Variants in HCRTR1 observed in about 807,000 individuals in gnomAD.
HCRTR1 encodes the protein orexin/Hypocretin receptor type 1.
HCRTR1 carries 28 observed loss-of-function variants against 40.6 expected under a neutral mutation model. The ratio of observed to expected loss-of-function variants is 0.69; its 90% CI spans 0.51 to 0.95. HCRTR1 has a LOEUF of 0.95. Ranked by LOEUF, HCRTR1 falls within the 40% of genes least tolerant of loss-of-function variation. The pLI is 0.00. For synonymous variants in HCRTR1, 209 were observed against 230.0 expected, an observed-to-expected ratio of 0.91 and a Z score of 0.83; for missense variants, 482 against 564.7, an observed-to-expected ratio of 0.85 and a Z score of 1.48.
chr1:31,622,283 G>A (rs1639872993), intron 6 of HCRTR1, among the ~76,000 whole-genome samples: 1 of 152,090 alleles, frequency 6.6e-6, no homozygotes, highest in South Asian at 2.1e-4. Context: ...TTGGCGTCTG[G>A]GCGGTGAGAA....
intron 2 of HCRTR1, 82 bp from the exon 3 acceptor site, chr1:31,618,969 T>C: frequency 1.8e-6 from 1 of 569,302 alleles, no homozygotes; most frequent in Non-Finnish European, 3.1e-6. Context: ...AGAGGGAACT[T>C]ATACGCAAAG....
chr1:31,624,706 G>A (rs1213793568), intron 7 of HCRTR1, among the ~76,000 whole-genome samples: 1 of 152,198 alleles, frequency 6.6e-6, no homozygotes, highest in Non-Finnish European at 1.5e-5. Context: ...AAAAATGGAT[G>A]ATGTCTATGA....
chr1:31,627,883 A>AG (rs1487619571), downstream of HCRTR1, among the ~76,000 whole-genome samples: 2 of 152,280 alleles, frequency 1.3e-5, no homozygotes, highest in Non-Finnish European at 2.9e-5. Flanking sequence ...GGGGAAGGTA[A>AG]GGGGGGCCGG....
chr1:31,619,761 A>T, intron 4 of HCRTR1, 51 bp downstream of exon 4: 1 of 1,524,400 alleles, frequency 6.6e-7, no homozygotes, highest in Non-Finnish European at 8.9e-7. Flanking sequence ...CCTGTAAAAA[A>T]CCCACGGCCT....
At position 31,619,750 on chromosome 1, in the gene HCRTR1, G is replaced by A. The variant is rs41369250; in HGVS notation, c.378+40G>A. ...GGCACCCCTCACCACTCCTTGTCACGCCTGTAAAAAACCCACGGCCTTGCA... is the reference window on the plus strand; with the variant it reads ...GGCACCCCTCACCACTCCTTGTCACACCTGTAAAAAACCCACGGCCTTGCA... On this transcript the variant is annotated intron_variant, in intron 4 of 8. Transcript: ENST00000403528. 2,942 of 1,547,574 alleles carry A rather than the reference G, an allele frequency of 1.9e-3. 51 individuals are homozygous for A. The African/African-American group carries it at 0.036, about 19-fold the overall frequency.
rs188717453 is a variant in HCRTR1, at chr1:31,624,998, G to C, written c.967G>C (p.Val323Leu). The change falls in exon 8 of 9, where the codon GTG becomes CTG. Residue 323 changes from valine (V) to leucine (L), a missense_variant and splice_region_variant. Coordinates refer to ENST00000403528, the MANE Select transcript of HCRTR1 (RefSeq NM_001525.3). Reference protein sequence around the residue: ...PISVLNVLKRVFGMFRQASDR... With the variant: ...PISVLNVLKRLFGMFRQASDR... ...GACGCTCCTCCACCCTGGGCCTAGG[G>C]TGTTCGGGATGTTCCGCCAAGCCAG... 5.5e-5 allele frequency: 88 copies of C among 1,603,854 alleles called. No homozygotes were observed. Among genetic ancestry groups the C allele is most frequent in the South Asian group, 4.6e-4 (41 of 89,998 alleles).
chr1:31,627,202 T>C lies in HCRTR1; in HGVS notation c.*222T>C, dbSNP rs768731490. The C allele has an allele frequency of 2.1e-5, 31 of 1,492,412 alleles. No individual in the cohort carries two copies. The highest frequency in any genetic ancestry group is 2.6e-5 in the Non-Finnish European group (29 of 1,118,250). 92.4% of individuals were successfully genotyped at this position (1,492,412 alleles called of 1,614,324 possible). ...AAAGCTCCTTGTAAACTGTGAAGTG[T>C]TGTGGACATGATTATTGTTGTACTT... is the stretch of plus-strand genomic sequence containing the variant. On this transcript the variant is annotated 3_prime_UTR_variant, in exon 9 of 9. Coordinates refer to ENST00000403528, the MANE Select transcript of HCRTR1 (RefSeq NM_001525.3).
downstream of HCRTR1, among the ~76,000 whole-genome samples, chr1:31,633,742 G>A (rs1198584107): frequency 6.6e-6 from 1 of 152,110 alleles, no homozygotes; most frequent in Non-Finnish European, 1.5e-5. Context: ...GATCACCTGA[G>A]GTCGGGAGTT....
intron 7 of HCRTR1, 37 bp downstream of exon 7, chr1:31,623,786 T>A (rs780888886): frequency 6.5e-7 from 1 of 1,534,546 alleles, no homozygotes; most frequent in African/African-American, 1.4e-5. Context: ...GGGGAGAAGT[T>A]TGAGGTTGGG....
downstream of HCRTR1, among the ~76,000 whole-genome samples, chr1:31,631,858 G>A (rs1034436020): frequency 6.6e-5 from 10 of 152,134 alleles, no homozygotes; most frequent in Admixed American, 1.3e-4. Context: ...TCCACAGCCT[G>A]GGCAAAGGAC....
chr1:31,619,468 C>A lies in HCRTR1; in HGVS notation c.200-64C>A, dbSNP rs1417639473. On this transcript the variant is annotated intron_variant, in intron 3 of 8. Coordinates refer to ENST00000403528, the MANE Select transcript of HCRTR1 (RefSeq NM_001525.3). ...GGGGGTTGTGTGGGAGGAGGGCTCG[C>A]TGATTAGGCAGAACTAGGATGGGTG... The A allele has an allele frequency of 1.9e-5, 30 of 1,612,052 alleles. 1 individual carries two copies. Among genetic ancestry groups the A allele is most frequent in the African/African-American group, 2.7e-5 (2 of 74,898 alleles).
rs551425367 is a variant in HCRTR1 at position 31,627,515 on chromosome 1, G to A, written c.*535G>A. 2.1e-5 allele frequency: 9 copies of A among 436,794 alleles called. No individual in the cohort carries two copies. Among genetic ancestry groups the A allele is most frequent in the Admixed American group, 9.5e-5 (3 of 31,530 alleles). 27.1% of individuals were successfully genotyped at this position (436,794 alleles called of 1,614,324 possible). On this transcript the variant is annotated 3_prime_UTR_variant, in exon 9 of 9. Transcript: ENST00000403528. ...TGCCAAGGGCACACACCACAGACCC[G>A]ACCTTGTTGGCTTTGTGGTGTGATA...
Position 31,619,711 on chromosome 1 carries a change from G to A in HCRTR1, c.378+1G>A, listed in dbSNP as rs943658000. The stretch of plus-strand genomic sequence containing the variant: ...CTGCAAGGTCATCCCCTATCTACAG[G>A]TGAGCTCTGCCCAGGCACCCCTCAC... On this transcript the variant is annotated splice_donor_variant, in intron 4 of 8. Coordinates refer to ENST00000403528, the MANE Select transcript of HCRTR1 (RefSeq NM_001525.3). LOFTEE classifies it high-confidence loss of function. 1 of 1,591,350 alleles carries A rather than the reference G, an allele frequency of 6.3e-7. No homozygotes were observed. Among genetic ancestry groups the A allele is most frequent in the African/African-American group, 1.3e-5 (1 of 74,630 alleles).
rs1412039491 is a variant in HCRTR1 at position 31,619,574 on chromosome 1, C to T, written c.242C>T (p.Thr81Ile). 2 of 1,614,128 alleles carry T rather than the reference C, an allele frequency of 1.2e-6. No homozygotes were observed. Among genetic ancestry groups the T allele is most frequent in the South Asian group, 2.2e-5 (2 of 91,082 alleles). Reference sequence around the variant, plus strand: ...CGGAACCACCACATGAGGACAGTCACCAACTACTTCATTGTCAACCTGTCC... The same window carrying T: ...CGGAACCACCACATGAGGACAGTCATCAACTACTTCATTGTCAACCTGTCC... ...VWRNHHMRTV[T>I]NYFIVNLSLA... The change falls in exon 4 of 9, where the codon ACC becomes ATC. Residue 81 changes from threonine (T) to isoleucine (I), a missense_variant. Physicochemically the swap from Thr to Ile is moderately conservative, Grantham distance 89 (BLOSUM62 -1). Transcript: ENST00000403528.
downstream of HCRTR1, among the ~76,000 whole-genome samples, chr1:31,633,468 A>G (rs553638100): frequency 2.0e-4 from 31 of 152,220 alleles, no homozygotes; most frequent in Non-Finnish European, 4.1e-4. Context: ...ATGGAAGAGG[A>G]CCTTCAGTGA....
rs61749523 is a variant in HCRTR1, at chr1:31,621,053, C to A, written c.589C>A (p.Arg197=). ...SVLPELANRT[R]LFSVCDERWA... ...GCTGCCTGAGCTAGCCAACCGCACACGGCTCTTCTCAGTCTGTGATGAACG... is the reference window on the plus strand; with the variant it reads ...GCTGCCTGAGCTAGCCAACCGCACAAGGCTCTTCTCAGTCTGTGATGAACG... Residue 197 remains arginine (R), a synonymous_variant, in exon 5 of 9, where the codon CGG becomes AGG. Coordinates refer to ENST00000403528, the MANE Select transcript of HCRTR1 (RefSeq NM_001525.3). 1 of 1,610,932 alleles carries A rather than the reference C, an allele frequency of 6.2e-7. No individual in the cohort carries two copies. The highest frequency in any genetic ancestry group is 1.1e-5 in the South Asian group (1 of 91,064).
downstream of HCRTR1, among the ~76,000 whole-genome samples, chr1:31,633,912 G>A (rs545545058): frequency 2.0e-5 from 3 of 150,554 alleles, no homozygotes; most frequent in Non-Finnish European, 4.4e-5. Context: ...CCAAGATCAC[G>A]CCATTGCACT....
chr1:31,624,448 CAAAAA>C (rs11438872), intron 7 of HCRTR1, among the ~76,000 whole-genome samples: 2 of 111,044 alleles, frequency 1.8e-5, no homozygotes, highest in African/African-American at 1.0e-4. Context: ...ACAGCTGTCT[CAAAAA>C]AAAAAAAAAA....
Position 31,619,080 on chromosome 1 carries a change from TG to T in HCRTR1, c.-110del. The T allele has an allele frequency of 1.2e-6, 1 of 800,036 alleles. No homozygotes were observed. The highest frequency in any genetic ancestry group is 1.7e-5 in the South Asian group (1 of 57,382). 49.6% of individuals were successfully genotyped at this position (800,036 alleles called of 1,614,324 possible). On this transcript the variant is annotated 5_prime_UTR_variant, in exon 3 of 9. Transcript: ENST00000403528. ...TTTGAGGCTGAGACCCGAAAAGACC[TG>T]GGTGCAAGCCTCCAGGCACCCTGAA...
Sources: allele counts gnomAD v4.1 joint callset (sites outside exome capture counted in the v4.1 genomes callset), GRCh38; gene constraint gnomAD v4.1.1; transcripts MANE v1.5; gene names NCBI Gene and HGNC (gene_info 2026-07-23, HGNC 2026-07-21).